Variants in CTNNA3 observed in about 807,000 individuals in gnomAD.
CTNNA3 encodes catenin alpha 3, also known as catenin alpha-3.
In CTNNA3, 76 loss-of-function variants were observed where a neutral mutation model predicts 95.7. The ratio of observed to expected loss-of-function variants is 0.79; its 90% CI spans 0.66 to 0.96. CTNNA3 has a LOEUF of 0.96. Among genes scored for constraint, CTNNA3 ranks in the 40% least tolerant of loss-of-function variants. The probability of loss-of-function intolerance (pLI) is 0.00; values close to 1 mark genes in which losing one functional copy is unlikely to be tolerated. For missense variants in CTNNA3, 1,191 were observed against 1,089.8 expected (o/e 1.09, Z -1.31); for synonymous variants, 431 against 374.4 (o/e 1.15, Z -1.74).
chr10:67,325,862 T>C (rs1385485921), intron 5 of CTNNA3, among the ~76,000 whole-genome samples: 1 of 152,184 alleles, frequency 6.6e-6, no homozygotes, highest in Non-Finnish European at 1.5e-5. Flanking sequence ...ATTGTGGGAA[T>C]GTAAGATTCT....
chr10:66,695,924 G>GGT (rs1554837142), intron 9 of CTNNA3, among the ~76,000 whole-genome samples: 1 of 132,936 alleles, frequency 7.5e-6, no homozygotes, highest in South Asian at 2.8e-4. Context: ...TAAGGGGGGG[G>GGT]GGCAATAAAA....
intron 9 of CTNNA3, among the ~76,000 whole-genome samples, chr10:66,694,478 C>G (rs1333863035): frequency 6.6e-6 from 1 of 152,078 alleles, no homozygotes; most frequent in African/African-American, 2.4e-5. Context: ...CAATAACTTA[C>G]CAACCAAAAA....
chr10:67,079,667 G>C (rs2131874637), intron 7 of CTNNA3, among the ~76,000 whole-genome samples: 1 of 152,126 alleles, frequency 6.6e-6, no homozygotes, highest in African/African-American at 2.4e-5. Context: ...GGCCAATATA[G>C]TGAAACCCCA....
intron 11 of CTNNA3, among the ~76,000 whole-genome samples, chr10:66,409,402 CA>C (rs71957917): frequency 0.14 from 19,902 of 138,116 alleles, 1,606 homozygotes; most frequent in African/African-American, 0.25. Context: ...TAACTGTTCC[CA>C]AAAAAAAAAA....
chr10:67,726,564 A>C (rs1208473074), intron 1 of CTNNA3, among the ~76,000 whole-genome samples: 1 of 70,836 alleles, frequency 1.4e-5, no homozygotes, highest in East Asian at 6.6e-4. Flanking sequence ...ATAATATAAT[A>C]TATATTACAT....
intron 10 of CTNNA3, among the ~76,000 whole-genome samples, chr10:66,549,381 C>G (rs779478567): frequency 3.9e-5 from 6 of 152,146 alleles, no homozygotes; most frequent in Non-Finnish European, 7.4e-5. Context: ...TTTTCTATTT[C>G]TGATATTGAT....
intron 4 of CTNNA3, among the ~76,000 whole-genome samples, chr10:67,531,168 G>A (rs1800742620): frequency 1.3e-5 from 2 of 152,288 alleles, no homozygotes; most frequent in South Asian, 4.1e-4. Context: ...CTCACACAGA[G>A]TACCTACTGG....
At chr10:66,292,253 A>C (rs886460795) in intron 12 of CTNNA3, among the ~76,000 whole-genome samples, 1 of 152,000 alleles carries the variant, frequency 6.6e-6, no homozygotes, top group African/African-American at 2.4e-5. Context: ...CGGCCTCTCA[A>C]ATATGTTTCT....
intron 10 of CTNNA3, among the ~76,000 whole-genome samples, chr10:66,586,664 C>A (rs1843369076): frequency 6.6e-6 from 1 of 152,022 alleles, no homozygotes; most frequent in Non-Finnish European, 1.5e-5. Context: ...TGAGAGAAGC[C>A]CCAGCTCTCT....
At chr10:67,527,135 T>C (rs1840169276) in intron 4 of CTNNA3, among the ~76,000 whole-genome samples, 1 of 152,072 alleles carries the variant, frequency 6.6e-6, no homozygotes, top group Non-Finnish European at 1.5e-5. Context: ...CATGCACCTG[T>C]AATCCCAGTT....
intron 12 of CTNNA3, among the ~76,000 whole-genome samples, chr10:66,291,166 G>T (rs2091675139): frequency 6.6e-6 from 1 of 152,112 alleles, no homozygotes; most frequent in Admixed American, 6.6e-5. Context: ...CTTCCTGATT[G>T]GGGGTCTCTT....
intron 12 of CTNNA3, among the ~76,000 whole-genome samples, chr10:66,318,672 C>A (rs1290100827): frequency 6.6e-6 from 1 of 152,080 alleles, no homozygotes; most frequent in Non-Finnish European, 1.5e-5. Context: ...TCTAAAAATT[C>A]TTCCATGCTT....
intron 5 of CTNNA3, among the ~76,000 whole-genome samples, chr10:67,403,072 C>G (rs1844985933): frequency 6.6e-6 from 1 of 152,182 alleles, no homozygotes. Context: ...TGGGCTGTCA[C>G]CTTTGTTATT....
chr10:67,226,014 T>C (rs140992444), intron 5 of CTNNA3, among the ~76,000 whole-genome samples: 1,550 of 152,134 alleles, frequency 0.01, 16 homozygotes, highest in African/African-American at 0.024. Flanking sequence ...AGGAGATAGA[T>C]AGCTTAAAGA....
rs1007818711 is a variant in CTNNA3, at chr10:66,513,594, G to C, written c.1531+7023C>G. 7.2e-5 allele frequency among the ~76,000 whole-genome samples: 11 copies of C among 152,240 alleles called. No individual in the cohort carries two copies. The South Asian group carries it at 1.5e-3, about 20-fold the overall frequency. On this transcript the variant is annotated intron_variant, in intron 11 of 17. Coordinates refer to ENST00000433211, the MANE Select transcript of CTNNA3 (RefSeq NM_013266.4). ...TGTTATTGCTGGGCCAAGTTTGCTGGGTTGTGATGGTGGCACATCCCAGAC... is the reference window on the plus strand; with the variant it reads ...TGTTATTGCTGGGCCAAGTTTGCTGCGTTGTGATGGTGGCACATCCCAGAC...
At chr10:67,258,578 T>C (rs1331674099) in intron 5 of CTNNA3, among the ~76,000 whole-genome samples, 1 of 152,206 alleles carries the variant, frequency 6.6e-6, no homozygotes, top group African/African-American at 2.4e-5. Context: ...AAATTTTATT[T>C]TATTGTAGTA....
chr10:66,651,758 G>A (rs1489509405), intron 9 of CTNNA3, among the ~76,000 whole-genome samples: 2 of 120,610 alleles, frequency 1.7e-5, no homozygotes, highest in Non-Finnish European at 3.5e-5. Flanking sequence ...GCGGCTCCGA[G>A]TGCGGGGCCA....
At chr10:66,285,749 A>G (rs1458319401) in intron 12 of CTNNA3, among the ~76,000 whole-genome samples, 1 of 151,752 alleles carries the variant, frequency 6.6e-6, no homozygotes, top group Admixed American at 6.6e-5. Flanking sequence ...AAATGTTTAA[A>G]TTATCAATAC....
chr10:67,261,237 A>G (rs1029555179), intron 5 of CTNNA3, among the ~76,000 whole-genome samples: 4 of 152,204 alleles, frequency 2.6e-5, no homozygotes, highest in African/African-American at 9.6e-5. Flanking sequence ...GAGATTACCA[A>G]ATGAACACAA....
Sources: allele counts gnomAD v4.1 joint callset (sites outside exome capture counted in the v4.1 genomes callset), GRCh38; gene constraint gnomAD v4.1.1; transcripts MANE v1.5; gene names NCBI Gene and HGNC (gene_info 2026-07-23, HGNC 2026-07-21).